C2orf42: variants seen among roughly 807,000 people sequenced by gnomAD.
C2orf42 encodes chromosome 2 open reading frame 42, also known as uncharacterized protein C2orf42.
C2orf42 carries 44 observed loss-of-function variants against 58.9 expected under a neutral mutation model. The observed-to-expected ratio is 0.75, with a 90% CI of 0.59 to 0.96. The LOEUF (loss-of-function observed/expected upper bound fraction) is 0.96. Among genes scored for constraint, C2orf42 ranks in the 40% least tolerant of loss-of-function variants. C2orf42 has a pLI of 0.00. For synonymous variants in C2orf42, 239 were observed against 265.4 expected (o/e 0.90, Z 0.97); for missense variants, 630 against 699.2 (o/e 0.90, Z 1.12).
rs969970193 is a variant in C2orf42 at position 70,165,591 on chromosome 2, C to T, written c.1189G>A (p.Asp397Asn). ...ATAGATATTCTTTGTTGCAGGGCAT[C>T]AAAAAATGACTGAGGAATGTGGAAC... is the stretch of plus-strand genomic sequence containing the variant. ...LVFHIPQSFF[D>N]ALQQRISIGS... Residue 397 changes from aspartate to asparagine, a missense_variant, in exon 7 of 10, where the codon GAT (aspartate) becomes AAT (asparagine). Asp to Asn is a conservative substitution (Grantham distance 23, BLOSUM62 1). Coordinates refer to ENST00000264434, the MANE Select transcript of C2orf42 (RefSeq NM_017880.3). The T allele has an allele frequency of 1.4e-5, 22 of 1,612,010 alleles. No individual in the cohort carries two copies. The highest frequency in any genetic ancestry group is 1.7e-5 in the Non-Finnish European group (20 of 1,178,660).
In C2orf42 at chr2:70,160,630, T is replaced by G. The variant is rs760716205; in HGVS notation, c.1511A>C (p.Lys504Thr). The G allele has an allele frequency of 1.9e-6, 3 of 1,602,142 alleles. No individual in the cohort carries two copies. The highest frequency in any genetic ancestry group is 2.2e-5 in the East Asian group (1 of 44,828). Residue 504 changes from lysine (K) to threonine (T), a missense_variant, in exon 9 of 10, where the codon AAA (lysine) becomes ACA (threonine). Coordinates refer to ENST00000264434, the MANE Select transcript of C2orf42 (RefSeq NM_017880.3). ...CAGTTTTGAAGTTCACTTACCAACT[T>G]TGAGAAAAGTTTTTAGTTCCAAGGG... ...LRPLELKTFLKVGNTSPDQKE... is the reference protein window; with the variant it reads ...LRPLELKTFLTVGNTSPDQKE...
At chr2:70,165,483 C>G (rs767826237) in intron 7 of C2orf42, 45 bp downstream of exon 7, 1 of 1,069,820 alleles carries the variant, frequency 9.3e-7, no homozygotes, top group Non-Finnish European at 1.5e-6. Context: ...ACATAATTCT[C>G]TATGTTCGAG....
chr2:70,158,758 A>G (rs941213370), intron 9 of C2orf42, among the ~76,000 whole-genome samples: 8 of 151,492 alleles, frequency 5.3e-5, no homozygotes, highest in Non-Finnish European at 8.8e-5. Context: ...ACGCCTGGCT[A>G]ATTTTTGTAT....
intron 9 of C2orf42, among the ~76,000 whole-genome samples, chr2:70,157,528 G>A (rs1379020752): frequency 6.6e-6 from 1 of 152,100 alleles, no homozygotes; most frequent in Admixed American, 6.6e-5. Flanking sequence ...TGGGCGCGGT[G>A]GCTCACGCCT....
At chr2:70,162,539 G>A (rs1477376556) in intron 8 of C2orf42, among the ~76,000 whole-genome samples, 4 of 151,714 alleles carry the variant, frequency 2.6e-5, no homozygotes, top group African/African-American at 9.7e-5. Context: ...AGCTACTCGG[G>A]AGGCTGAGGT....
At chr2:70,189,769 G>A (rs1370813530) in intron 1 of C2orf42, among the ~76,000 whole-genome samples, 2 of 151,030 alleles carry the variant, frequency 1.3e-5, no homozygotes, top group Admixed American at 6.6e-5. Context: ...GCTCACGCCT[G>A]TAATCCCAGC....
At chr2:70,165,841 A>G (rs1673362265) in intron 6 of C2orf42, among the ~76,000 whole-genome samples, 1 of 152,154 alleles carries the variant, frequency 6.6e-6, no homozygotes, top group Non-Finnish European at 1.5e-5. Context: ...CCTTGCAAAC[A>G]TAAAAAACAC....
intron 5 of C2orf42, among the ~76,000 whole-genome samples, chr2:70,171,215 G>A (rs140221747): frequency 0.025 from 3,810 of 152,270 alleles, 356 homozygotes; most frequent in Admixed American, 0.17. Flanking sequence ...GGCAGAGGCT[G>A]CAGTGAGCCG....
chr2:70,180,607 C>CAAA (rs59381817), intron 3 of C2orf42, among the ~76,000 whole-genome samples: 11,712 of 56,862 alleles, frequency 0.21, 1,360 homozygotes, highest in Non-Finnish European at 0.27. Flanking sequence ...GATTCTGTCT[C>CAAA]AAAAAAAAAA....
intron 6 of C2orf42, among the ~76,000 whole-genome samples, chr2:70,168,853 C>A (rs1405368362): frequency 6.6e-6 from 1 of 151,618 alleles, no homozygotes; most frequent in Non-Finnish European, 1.5e-5. Context: ...TTTGGGACTA[C>A]AGGCACCCAC....
intron 8 of C2orf42, among the ~76,000 whole-genome samples, chr2:70,164,535 G>A (rs996312370): frequency 2.0e-5 from 3 of 151,930 alleles, no homozygotes; most frequent in African/African-American, 7.3e-5. Flanking sequence ...GGGGGGCTGA[G>A]GCAAGGGAAT....
chr2:70,164,667 C>T (rs1572988991), intron 8 of C2orf42, among the ~76,000 whole-genome samples: 1 of 152,050 alleles, frequency 6.6e-6, no homozygotes, highest in Admixed American at 6.6e-5. Context: ...AGGGTCATTT[C>T]TCTAATGAGA....
chr2:70,163,234 TG>T (rs1325266896), intron 8 of C2orf42, among the ~76,000 whole-genome samples: 1 of 151,282 alleles, frequency 6.6e-6, no homozygotes, highest in Non-Finnish European at 1.5e-5. Flanking sequence ...AGGATCTACT[TG>T]AAAAACATAC....
At chr2:70,165,703 G>A (rs1673355920) in intron 6 of C2orf42, 68 bp from the exon 7 acceptor site, 3 of 853,632 alleles carry the variant, frequency 3.5e-6, no homozygotes, top group South Asian at 2.8e-5. Flanking sequence ...ACAGGGAGAG[G>A]TGAAAGAAAA....
rs1040468938 is a variant in C2orf42 at position 70,160,565 on chromosome 2, T to C, written c.1516+60A>G. On this transcript the variant is annotated intron_variant, in intron 9 of 9. Transcript: ENST00000264434. ...GGTCAAGATCCAAAGCTTTGGACAG[T>C]GTACTGTACTGTTCACCAGCTGACA... is the stretch of plus-strand genomic sequence containing the variant. 8.1e-6 allele frequency: 9 copies of C among 1,114,288 alleles called. 1 individual carries two copies. In the African/African-American group the frequency reaches 9.6e-5, roughly 12 times the overall value. 69.0% of individuals were successfully genotyped at this position (1,114,288 alleles called of 1,614,324 possible).
At position 70,181,524 on chromosome 2, in the gene C2orf42, C is replaced by T. The variant is rs116516305; in HGVS notation, c.462G>A (p.Ser154=). The part of the protein sequence containing the change: ...AEATPLTLKS[S]VLNAMQASPE... ...GGGAGGCCTGCATTGCATTCAGGACCGAGCTCTTCAGGGTCAGAGGGGTGG... is the reference window on the plus strand; with the variant it reads ...GGGAGGCCTGCATTGCATTCAGGACTGAGCTCTTCAGGGTCAGAGGGGTGG... Residue 154 remains serine, a synonymous_variant, in exon 3 of 10, where the codon TCG becomes TCA. Coordinates refer to ENST00000264434, the MANE Select transcript of C2orf42 (RefSeq NM_017880.3). The T allele has an allele frequency of 2.0e-5, 33 of 1,613,526 alleles. No homozygotes were observed. The highest frequency in any genetic ancestry group is 4.4e-5 in the South Asian group (4 of 91,084).
At chr2:70,190,651 T>A (rs1168016802) in intron 1 of C2orf42, 2 of 152,332 alleles carry the variant, frequency 1.3e-5, no homozygotes, top group South Asian at 4.1e-4. Context: ...GCCGGGGCCC[T>A]GCAGTCAACG....
intron 6 of C2orf42, among the ~76,000 whole-genome samples, chr2:70,168,204 A>T (rs1212008236): frequency 3.3e-5 from 5 of 151,596 alleles, no homozygotes. Flanking sequence ...ACTGCACTCC[A>T]GCCTGGGCGA....
chr2:70,175,848 G>A, intron 4 of C2orf42, 71 bp from the exon 5 acceptor site: 1 of 985,622 alleles, frequency 1.0e-6, no homozygotes, highest in Non-Finnish European at 1.6e-6. Context: ...TTAATTTTTA[G>A]AGTCTAAAAC....
Sources: gnomAD v4.1 joint callset for allele counts (sites outside exome capture counted in the v4.1 genomes callset) on GRCh38, gnomAD v4.1.1 for gene constraint, MANE v1.5 for transcripts, NCBI Gene and HGNC (gene_info 2026-07-23, HGNC 2026-07-21) for gene names.